FBXL4: variants seen among roughly 807,000 people sequenced by gnomAD.
The protein encoded by FBXL4 is F-box/LRR-repeat protein 4.
In FBXL4, 40 loss-of-function variants were observed where a neutral mutation model predicts 58.9. That is an observed-to-expected ratio of 0.68 (90% CI 0.53 to 0.88). The LOEUF (loss-of-function observed/expected upper bound fraction) is 0.88. Ranked by LOEUF, FBXL4 falls within the 40% of genes least tolerant of loss-of-function variation. FBXL4 has a pLI of 0.00. For synonymous variants in FBXL4, 263 were observed against 265.5 expected (o/e 0.99, Z 0.09); for missense variants, 676 against 734.4 (o/e 0.92, Z 0.92).
chr6:98,935,745 C>A (rs13220536), intron 1 of FBXL4, among the ~76,000 whole-genome samples: 1 of 144,778 alleles, frequency 6.9e-6, no homozygotes. Context: ...GCCGAGATTG[C>A]GCCACTGCAG....
chr6:98,902,453 G>A (rs1325473007), intron 6 of FBXL4, among the ~76,000 whole-genome samples: 1 of 152,048 alleles, frequency 6.6e-6, no homozygotes, highest in African/African-American at 2.4e-5. Flanking sequence ...AGACACAACT[G>A]TATAAAATAT....
intron 5 of FBXL4, among the ~76,000 whole-genome samples, chr6:98,913,264 C>T (rs1200343830): frequency 6.6e-6 from 1 of 152,072 alleles, no homozygotes; most frequent in Non-Finnish European, 1.5e-5. Context: ...TTAGACAGAT[C>T]AACGAGACAG....
At chr6:98,914,815 C>A (rs539760825) in intron 5 of FBXL4, among the ~76,000 whole-genome samples, 410 of 152,206 alleles carry the variant, frequency 2.7e-3, no homozygotes, top group Non-Finnish European at 4.8e-3. Flanking sequence ...GAAGTTCTGG[C>A]CAGGGCAATT....
At chr6:98,922,243 A>G (rs954364844) in intron 4 of FBXL4, among the ~76,000 whole-genome samples, 2 of 152,148 alleles carry the variant, frequency 1.3e-5, no homozygotes, top group Non-Finnish European at 2.9e-5. Flanking sequence ...TTTGCTCTTA[A>G]TAAGGTACTA....
rs990633949 is a variant in FBXL4, at chr6:98,896,802, G to A, written c.1317+2466C>T. The A allele has an allele frequency of 2.2e-5, 22 of 978,150 alleles. No homozygotes were observed. In the Admixed American group the frequency reaches 3.7e-4, roughly 16 times the overall value. 60.6% of individuals were successfully genotyped at this position (978,150 alleles called of 1,614,324 possible). ...TACATCTGTATTTAAGTAACTGAGG[G>A]AAACCAGAGCTTATGCTATCTAGAC... On this transcript the variant is annotated intron_variant, in intron 7 of 9. Coordinates refer to ENST00000369244, the MANE Select transcript of FBXL4 (RefSeq NM_001278716.2).
rs964532159 is a variant in FBXL4, at chr6:98,917,616, G to A, written c.616C>T (p.Arg206Ter). The change falls in exon 5 of 10, where the codon CGA (arginine) becomes TGA (stop). Residue 206 changes from arginine to a stop codon, truncating the protein, a stop_gained. Transcript: ENST00000369244. LOFTEE classifies it high-confidence loss of function. Reference protein sequence around the residue: ...KQINFPTNLIRLEVNSSLLEY... With the variant: ...KQINFPTNLI The stretch of plus-strand genomic sequence containing the variant: ...AGAAGAGAACTATTTACTTCCAGTC[G>A]TATAAGATTTGTGGGGAAATTTATC... The A allele has an allele frequency of 8.7e-6, 14 of 1,613,706 alleles. No homozygotes were observed. The highest frequency in any genetic ancestry group is 5.3e-5 in the African/African-American group (4 of 74,904).
intron 4 of FBXL4, among the ~76,000 whole-genome samples, chr6:98,923,542 C>G (rs958645918): frequency 5.9e-5 from 9 of 152,184 alleles, no homozygotes; most frequent in Non-Finnish European, 8.8e-5. Flanking sequence ...CTCCTCCTTT[C>G]CTATCCACAC....
Position 98,869,491 on chromosome 6 carries a change from G to A in FBXL4, c.*4787C>T, listed in dbSNP as rs775656079. 4 of 152,210 alleles carry A rather than the reference G, an allele frequency of 2.6e-5. No homozygotes were observed. The highest frequency in any genetic ancestry group is 4.8e-5 in the African/African-American group (2 of 41,446). The allele number at this position is 152,210 out of a possible 1,614,324, so 9.4% of individuals were successfully genotyped here. The stretch of plus-strand genomic sequence containing the variant: ...CTATAAAAAATAAAAAAATTAGCCA[G>A]GTGTGGTGGTGTCTGTAGTCCCAGG... On this transcript the variant is annotated 3_prime_UTR_variant, in exon 10 of 10. Transcript: ENST00000369244.
At chr6:98,905,769 T>C in intron 5 of FBXL4, 99 bp from the exon 6 acceptor site, 1 of 1,181,830 alleles carries the variant, frequency 8.5e-7, no homozygotes, top group Non-Finnish European at 1.2e-6. Flanking sequence ...GTGTCATACA[T>C]TTTATAACAA....
At chr6:98,896,484 G>A (rs1424849491) in intron 7 of FBXL4, among the ~76,000 whole-genome samples, 1 of 152,190 alleles carries the variant, frequency 6.6e-6, no homozygotes, top group Non-Finnish European at 1.5e-5. Context: ...ATAAGAGAGT[G>A]AAGTATAGGT....
At chr6:98,937,673 T>G (rs1460828569) in intron 1 of FBXL4, among the ~76,000 whole-genome samples, 1 of 152,156 alleles carries the variant, frequency 6.6e-6, no homozygotes, top group Non-Finnish European at 1.5e-5. Flanking sequence ...GGTGCAATTT[T>G]GTGGAAATAT....
intron 1 of FBXL4, among the ~76,000 whole-genome samples, chr6:98,941,996 T>C (rs1440079662): frequency 9.9e-5 from 15 of 151,330 alleles, no homozygotes; most frequent in Non-Finnish European, 1.9e-4. Flanking sequence ...ATAAATGACC[T>C]AGAGCACATA....
intron 4 of FBXL4, among the ~76,000 whole-genome samples, chr6:98,925,414 A>C (rs1772741604): frequency 6.6e-6 from 1 of 152,256 alleles, no homozygotes; most frequent in Non-Finnish European, 1.5e-5. Flanking sequence ...AAATGCAAAA[A>C]AAAAATGTTA....
At chr6:98,927,142 C>T (rs1772822264) in intron 3 of FBXL4, 82 bp from the exon 4 acceptor site, 1 of 622,570 alleles carries the variant, frequency 1.6e-6, no homozygotes, top group East Asian at 2.7e-5. Context: ...ACAGGCTCTA[C>T]CCTCAATGTA....
intron 1 of FBXL4, among the ~76,000 whole-genome samples, chr6:98,946,613 C>T (rs968527710): frequency 7.2e-5 from 11 of 152,120 alleles, no homozygotes; most frequent in Non-Finnish European, 1.2e-4. Flanking sequence ...AAGAAATTAT[C>T]CATCTTACAA....
At chr6:98,904,396 C>T (rs947427185) in intron 6 of FBXL4, among the ~76,000 whole-genome samples, 2 of 152,154 alleles carry the variant, frequency 1.3e-5, no homozygotes, top group African/African-American at 4.8e-5. Flanking sequence ...CACTTTGATG[C>T]ATAAACTATC....
chr6:98,927,150 G>C (rs1772822939), intron 3 of FBXL4, 90 bp from the exon 4 acceptor site: 1 of 584,978 alleles, frequency 1.7e-6, no homozygotes, highest in Non-Finnish European at 2.9e-6. Context: ...TACCCTCAAT[G>C]TAATTTCTCA....
intron 7 of FBXL4, chr6:98,898,231 G>T: frequency 1.1e-6 from 1 of 935,670 alleles, no homozygotes; most frequent in South Asian, 4.9e-5. Context: ...AAAGCCCTGA[G>T]CTGGGACCAG....
At chr6:98,909,860 A>G (rs1284634417) in intron 5 of FBXL4, among the ~76,000 whole-genome samples, 1 of 152,194 alleles carries the variant, frequency 6.6e-6, no homozygotes, top group African/African-American at 2.4e-5. Flanking sequence ...CCCATGGCTT[A>G]AAGACCAAAT....
Sources: allele counts gnomAD v4.1 joint callset (sites outside exome capture counted in the v4.1 genomes callset), GRCh38; gene constraint gnomAD v4.1.1; transcripts MANE v1.5; gene names NCBI Gene and HGNC (gene_info 2026-07-23, HGNC 2026-07-21).